The following IL1RAPL2 variants were observed in gnomAD, a reference collection of about 807,000 sequenced individuals.
IL1RAPL2 encodes interleukin 1 receptor accessory protein like 2, also known as X-linked interleukin-1 receptor accessory protein-like 2.
Under a neutral mutation model 44.1 loss-of-function variants are expected in IL1RAPL2, and 3 were observed. That is an observed-to-expected ratio of 0.07 (90% CI 0.03 to 0.18). The LOEUF (loss-of-function observed/expected upper bound fraction) is 0.18. Among genes scored for constraint, IL1RAPL2 ranks in the 10% least tolerant of loss-of-function variants. The pLI, the probability that IL1RAPL2 is intolerant of heterozygous loss-of-function variation, is 1.00. For missense variants in IL1RAPL2, 391 were observed against 496.4 expected (o/e 0.79, Z 2.02); for synonymous variants, 181 against 178.8 (o/e 1.01, Z -0.10).
At chrX:105,409,517 T>C (rs778624866) in intron 5 of IL1RAPL2, among the ~76,000 whole-genome samples, 1 of 110,926 alleles carries the variant, frequency 9.0e-6, no homozygotes, top group South Asian at 3.8e-4. Flanking sequence ...TATCAGCTAG[T>C]GGTAAGTGCC....
chrX:104,916,829 G>T (rs757860563), intron 2 of IL1RAPL2, among the ~76,000 whole-genome samples: 26 of 111,184 alleles, frequency 2.3e-4, no homozygotes, highest in South Asian at 1.9e-3. Context: ...GAGATAATCA[G>T]GTGGTTTTTG....
At chrX:104,853,880 G>A (rs1016458549) in intron 2 of IL1RAPL2, among the ~76,000 whole-genome samples, 2 of 94,810 alleles carry the variant, frequency 2.1e-5, no homozygotes, top group African/African-American at 3.9e-5. Context: ...TCCAGCCTGG[G>A]CGACAGAGCG....
chrX:105,013,961 G>T (rs1469914275), intron 2 of IL1RAPL2, among the ~76,000 whole-genome samples: 1 of 112,284 alleles, frequency 8.9e-6, no homozygotes, highest in South Asian at 3.7e-4. Flanking sequence ...CCTTTGATAT[G>T]AATCAACAAA....
rs782005500 is a variant in IL1RAPL2, at chrX:105,235,918, A to G, written c.543+1914A>G. Among the ~76,000 whole-genome samples, 10 of 112,234 alleles carry G rather than the reference A, an allele frequency of 8.9e-5. No individual in the cohort carries two copies. In the South Asian group the frequency reaches 3.7e-3, roughly 42 times the overall value. On this transcript the variant is annotated intron_variant, in intron 4 of 10. Coordinates refer to ENST00000372582, the MANE Select transcript of IL1RAPL2 (RefSeq NM_017416.2). ...CACAGTGAACAAAGCCTGATTTTCTATTCAAGGCAGTGTGACTCCAGAATT... is the reference window on the plus strand; with the variant it reads ...CACAGTGAACAAAGCCTGATTTTCTGTTCAAGGCAGTGTGACTCCAGAATT...
intron 2 of IL1RAPL2, among the ~76,000 whole-genome samples, chrX:105,023,979 C>T (rs1362333057): frequency 2.7e-5 from 3 of 110,878 alleles, no homozygotes. Flanking sequence ...AAAATATTTT[C>T]AAAGACAGTG....
chrX:104,853,401 C>T (rs1327511628), intron 2 of IL1RAPL2, among the ~76,000 whole-genome samples: 1 of 110,878 alleles, frequency 9.0e-6, no homozygotes, highest in Non-Finnish European at 1.9e-5. Flanking sequence ...GATGGTGAGT[C>T]TTTATGGTGG....
intron 2 of IL1RAPL2, among the ~76,000 whole-genome samples, chrX:104,744,641 G>A (rs1048025837): frequency 9.0e-6 from 1 of 111,267 alleles, no homozygotes; most frequent in Admixed American, 9.6e-5. Context: ...TTCAGTGAAT[G>A]TTTATTAAGC....
chrX:104,829,866 C>T (rs1485481624), intron 2 of IL1RAPL2, among the ~76,000 whole-genome samples: 2 of 111,792 alleles, frequency 1.8e-5, no homozygotes, highest in African/African-American at 3.3e-5. Flanking sequence ...CTGTACATAG[C>T]GTTCTGTTAA....
chrX:104,736,451 C>A (rs1225435829), intron 2 of IL1RAPL2, among the ~76,000 whole-genome samples: 1 of 111,770 alleles, frequency 8.9e-6, no homozygotes, highest in African/African-American at 3.2e-5. Context: ...CTTTTATTGT[C>A]AGCTACTCCC....
At chrX:105,514,981 G>A (rs186180100) in intron 6 of IL1RAPL2, among the ~76,000 whole-genome samples, 364 of 111,937 alleles carry the variant, frequency 3.3e-3, no homozygotes, top group Non-Finnish European at 5.7e-3. Context: ...AAGGTGGTGC[G>A]TAAGAAGAAC....
intron 5 of IL1RAPL2, among the ~76,000 whole-genome samples, chrX:105,478,534 C>T (rs1462858562): frequency 9.0e-6 from 1 of 110,751 alleles, no homozygotes; most frequent in Non-Finnish European, 1.9e-5. Flanking sequence ...CAAGATACAA[C>T]ACAATAAAAG....
intron 4 of IL1RAPL2, among the ~76,000 whole-genome samples, chrX:105,258,224 G>T (rs2034330350): frequency 9.0e-6 from 1 of 111,673 alleles, no homozygotes; most frequent in African/African-American, 3.3e-5. Context: ...CTTGGTTGAA[G>T]ATTTTTTTTC....
intron 1 of IL1RAPL2, among the ~76,000 whole-genome samples, chrX:104,608,662 C>CTTTTTTTTTTTTTTT: frequency 1.7e-5 from 1 of 58,546 alleles, no homozygotes; most frequent in Non-Finnish European, 2.9e-5. Context: ...GCAACCCCTG[C>CTTTTTTTTTTTTTTT]TTTTTTTTTT....
intron 5 of IL1RAPL2, among the ~76,000 whole-genome samples, chrX:105,413,998 A>G (rs1489344454): frequency 2.7e-5 from 3 of 112,668 alleles, no homozygotes; most frequent in Non-Finnish European, 3.7e-5. Context: ...AAAATACAAT[A>G]CTAAAATTTA....
intron 4 of IL1RAPL2, among the ~76,000 whole-genome samples, chrX:105,256,459 G>T (rs2147650125): frequency 9.1e-6 from 1 of 109,487 alleles, no homozygotes; most frequent in Admixed American, 9.8e-5. Flanking sequence ...CTCCAGGGTA[G>T]CTGGGATTAC....
At chrX:105,065,891 G>A (rs1489953747) in intron 2 of IL1RAPL2, among the ~76,000 whole-genome samples, 1 of 111,566 alleles carries the variant, frequency 9.0e-6, no homozygotes, top group East Asian at 2.8e-4. Flanking sequence ...TTATCTGTAT[G>A]TTTATCTCTC....
At chrX:104,991,976 G>A (rs1029951580) in intron 2 of IL1RAPL2, among the ~76,000 whole-genome samples, 3 of 111,274 alleles carry the variant, frequency 2.7e-5, no homozygotes, top group African/African-American at 6.5e-5. Context: ...TTGGACAGGT[G>A]GATGAGGAAG....
intron 2 of IL1RAPL2, among the ~76,000 whole-genome samples, chrX:105,055,667 T>C (rs1032848823): frequency 8.9e-6 from 1 of 112,136 alleles, no homozygotes; most frequent in East Asian, 2.8e-4. Context: ...AGTGAGTACT[T>C]AGTAAAAAGA....
intron 2 of IL1RAPL2, among the ~76,000 whole-genome samples, chrX:105,152,804 G>A (rs1051019833): frequency 8.9e-6 from 1 of 112,002 alleles, no homozygotes; most frequent in African/African-American, 3.2e-5. Context: ...CTTATAAAAG[G>A]ATGAGTTTGC....
Sources: gnomAD v4.1 joint callset for allele counts (sites outside exome capture counted in the v4.1 genomes callset) on GRCh38, gnomAD v4.1.1 for gene constraint, MANE v1.5 for transcripts, NCBI Gene and HGNC (gene_info 2026-07-23, HGNC 2026-07-21) for gene names.